Variants in UNC13C observed in about 807,000 individuals in gnomAD.
The protein encoded by UNC13C is protein unc-13 homolog C.
In UNC13C, 174 loss-of-function variants were observed where a neutral mutation model predicts 245.4. The ratio of observed to expected loss-of-function variants is 0.71; its 90% confidence interval spans 0.63 to 0.80. The LOEUF is 0.80. Among genes scored for constraint, UNC13C ranks in the 30% least tolerant of loss-of-function variants. The pLI, the probability that UNC13C is intolerant of heterozygous loss-of-function variation, is 0.00. For missense variants in UNC13C, 2,829 were observed against 2,602.9 expected (o/e 1.09, Z -1.89); for synonymous variants, 992 against 895.1 (o/e 1.11, Z -1.93).
intron 19 of UNC13C, among the ~76,000 whole-genome samples, chr15:54,435,034 C>T (rs1460212531): frequency 3.3e-5 from 5 of 152,040 alleles, no homozygotes. Context: ...AATGAGATAC[C>T]ATCTCACGCC....
intron 1 of UNC13C, among the ~76,000 whole-genome samples, chr15:54,004,302 C>T (rs1025593854): frequency 6.6e-6 from 1 of 152,148 alleles, no homozygotes; most frequent in African/African-American, 2.4e-5. Context: ...CTTAACATAA[C>T]TCCAGTTGCA....
At chr15:54,420,744 A>T (rs2040624308) in intron 19 of UNC13C, among the ~76,000 whole-genome samples, 1 of 152,018 alleles carries the variant, frequency 6.6e-6, no homozygotes, top group Non-Finnish European at 1.5e-5. Context: ...CAGGAAAATG[A>T]GGTGAGCAAG....
At chr15:54,614,392 C>T (rs1309018905) in intron 30 of UNC13C, among the ~76,000 whole-genome samples, 5 of 151,846 alleles carry the variant, frequency 3.3e-5, no homozygotes, top group Non-Finnish European at 7.4e-5. Flanking sequence ...ATTTGAATCT[C>T]TTTGAATCTT....
intron 4 of UNC13C, among the ~76,000 whole-genome samples, chr15:54,187,285 A>G (rs536425058): frequency 1.2e-3 from 187 of 152,140 alleles, no homozygotes; most frequent in Non-Finnish European, 2.1e-3. Context: ...TGGCATTTCT[A>G]CATCCATTCT....
the UNC13C span, among the ~76,000 whole-genome samples, chr15:53,938,831 C>G: frequency 6.6e-6 from 1 of 152,140 alleles, no homozygotes. Context: ...GTACCAGCAT[C>G]TCTGGTATAC....
intron 2 of UNC13C, among the ~76,000 whole-genome samples, chr15:54,066,358 G>A (rs1898075607): frequency 6.6e-6 from 1 of 152,178 alleles, no homozygotes; most frequent in Non-Finnish European, 1.5e-5. Flanking sequence ...CCTGAGAATG[G>A]TCTTTGAAAT....
intron 16 of UNC13C, among the ~76,000 whole-genome samples, chr15:54,337,916 G>A (rs1466429760): frequency 6.6e-6 from 1 of 152,002 alleles, no homozygotes; most frequent in Admixed American, 6.6e-5. Context: ...CCATTGAAAC[G>A]CTTCCCATCC....
At chr15:54,185,562 T>C (rs1185112314) in intron 4 of UNC13C, among the ~76,000 whole-genome samples, 1 of 150,758 alleles carries the variant, frequency 6.6e-6, no homozygotes, top group Non-Finnish European at 1.5e-5. Context: ...GTCAGGTTTG[T>C]CAAAGATCAG....
intron 4 of UNC13C, among the ~76,000 whole-genome samples, chr15:54,190,069 G>T (rs1002895178): frequency 6.6e-6 from 1 of 152,064 alleles, no homozygotes; most frequent in African/African-American, 2.4e-5. Context: ...CTTAGTACAG[G>T]TTTCTAAGGT....
intron 30 of UNC13C, among the ~76,000 whole-genome samples, chr15:54,610,191 T>C (rs192857067): frequency 6.6e-6 from 1 of 152,312 alleles, no homozygotes; most frequent in East Asian, 1.9e-4. Flanking sequence ...TCATATGATA[T>C]ATGATGATGT....
chr15:54,001,123 C>T (rs1438736377), intron 1 of UNC13C, among the ~76,000 whole-genome samples: 1 of 152,150 alleles, frequency 6.6e-6, no homozygotes, highest in Non-Finnish European at 1.5e-5. Context: ...GGTGATAGTT[C>T]ATGACAGGTT....
intron 18 of UNC13C, among the ~76,000 whole-genome samples, chr15:54,406,363 T>G (rs2140937267): frequency 6.6e-6 from 1 of 152,276 alleles, no homozygotes; most frequent in East Asian, 1.9e-4. Context: ...CATAAGGATC[T>G]TATTTCCTGC....
At chr15:54,129,918 T>G (rs77893355) in intron 2 of UNC13C, among the ~76,000 whole-genome samples, 34 of 16,818 alleles carry the variant, frequency 2.0e-3, no homozygotes, top group South Asian at 6.7e-3. Context: ...TTATAATGTG[T>G]TTTTTTTTTA....
intron 18 of UNC13C, among the ~76,000 whole-genome samples, chr15:54,411,760 C>A (rs2040420843): frequency 6.6e-6 from 1 of 152,134 alleles, no homozygotes; most frequent in Admixed American, 6.5e-5. Context: ...TTTAAAAAAA[C>A]ATTTTTTCCT....
At chr15:54,051,455 AT>A (rs1897262586) in intron 2 of UNC13C, among the ~76,000 whole-genome samples, 2 of 151,868 alleles carry the variant, frequency 1.3e-5, no homozygotes, top group Admixed American at 1.3e-4. Context: ...GGACTTCCTA[AT>A]TTTTTCCCCA....
intron 2 of UNC13C, among the ~76,000 whole-genome samples, chr15:54,027,427 G>A (rs1442722166): frequency 6.6e-6 from 1 of 151,924 alleles, no homozygotes; most frequent in Non-Finnish European, 1.5e-5. Context: ...GGAGTGCAGT[G>A]GCAGGATCTC....
intron 19 of UNC13C, among the ~76,000 whole-genome samples, chr15:54,449,137 G>A (rs897100050): frequency 1.3e-5 from 2 of 152,194 alleles, no homozygotes; most frequent in African/African-American, 4.8e-5. Flanking sequence ...TTTCTGCCGA[G>A]AGATCCACTG....
chr15:54,254,885 T>G (rs1452745968), intron 8 of UNC13C, among the ~76,000 whole-genome samples: 1 of 152,182 alleles, frequency 6.6e-6, no homozygotes, highest in Non-Finnish European at 1.5e-5. Flanking sequence ...CTATGCTGCC[T>G]GCTGTAGCCT....
At chr15:54,452,286 G>C (rs1891222394) in intron 19 of UNC13C, among the ~76,000 whole-genome samples, 1 of 152,160 alleles carries the variant, frequency 6.6e-6, no homozygotes, top group Admixed American at 6.5e-5. Flanking sequence ...GGCAGCAGTG[G>C]GTCAGGTTGG....
Sources: allele counts gnomAD v4.1 joint callset (sites outside exome capture counted in the v4.1 genomes callset), GRCh38; gene constraint gnomAD v4.1.1; transcripts MANE v1.5; gene names NCBI Gene and HGNC (gene_info 2026-07-23, HGNC 2026-07-21).